EGLN1: variants seen among roughly 807,000 people sequenced by gnomAD.
EGLN1 encodes egl-9 family hypoxia inducible factor 1, also known as egl nine homolog 1.
In EGLN1, 17 loss-of-function variants were observed where a neutral mutation model predicts 38.3. That is an observed-to-expected ratio of 0.44 (90% CI 0.30 to 0.67). EGLN1 has a LOEUF of 0.67. Among genes scored for constraint, EGLN1 ranks in the 30% least tolerant of loss-of-function variants. The probability of loss-of-function intolerance (pLI) is 0.08; values close to 1 mark genes in which losing one functional copy is unlikely to be tolerated. For synonymous variants in EGLN1, 283 were observed against 257.5 expected, an observed-to-expected ratio of 1.10 and a Z score of -0.95; for missense variants, 477 against 603.3, an observed-to-expected ratio of 0.79 and a Z score of 2.19.
chr1:231,379,421 T>C (rs540391020), intron 1 of EGLN1, among the ~76,000 whole-genome samples: 2 of 152,302 alleles, frequency 1.3e-5, no homozygotes, highest in African/African-American at 4.8e-5. Flanking sequence ...TTGCCAAACT[T>C]CTAAATAAAG....
intron 1 of EGLN1, among the ~76,000 whole-genome samples, chr1:231,397,381 G>A (rs1261627555): frequency 6.6e-6 from 1 of 152,228 alleles, no homozygotes; most frequent in Non-Finnish European, 1.5e-5. Context: ...AAGACACACT[G>A]GTTACCTGTG....
intron 1 of EGLN1, among the ~76,000 whole-genome samples, chr1:231,384,778 A>G (rs991761202): frequency 6.6e-6 from 1 of 152,234 alleles, no homozygotes; most frequent in Non-Finnish European, 1.5e-5. Context: ...GCCTGTTTTT[A>G]TAAGTAAAGC....
chr1:231,407,472 T>G (rs901157046), intron 1 of EGLN1, among the ~76,000 whole-genome samples: 3 of 152,212 alleles, frequency 2.0e-5, no homozygotes, highest in African/African-American at 7.2e-5. Flanking sequence ...AATTTTACTC[T>G]GCACATCAAC....
At chr1:231,408,128 G>A (rs1688841728) in intron 1 of EGLN1, among the ~76,000 whole-genome samples, 2 of 152,100 alleles carry the variant, frequency 1.3e-5, no homozygotes, top group African/African-American at 2.4e-5. Context: ...AGATAATTTG[G>A]GAATAAAAGG....
chr1:231,417,070 T>G lies in EGLN1; in HGVS notation c.891+3928A>C, dbSNP rs564467407. 3.3e-5 allele frequency among the ~76,000 whole-genome samples: 5 copies of G among 152,330 alleles called. No individual in the cohort carries two copies. The East Asian group carries it at 9.6e-4, about 29-fold the overall frequency. The stretch of plus-strand genomic sequence containing the variant: ...AAAGTCTGAGATCAGGATGCCAGCA[T>G]GGTCTGGTACTGATGAGGGCTCTCT... On this transcript the variant is annotated intron_variant, in intron 1 of 4. Coordinates refer to ENST00000366641, the MANE Select transcript of EGLN1 (RefSeq NM_022051.3).
rs977788797 is a variant in EGLN1, at chr1:231,366,077, T to C, written c.*334A>G. 3 of 298,488 alleles carry C rather than the reference T, an allele frequency of 1.0e-5. 1 individual carries two copies. The South Asian group carries it at 1.8e-4, about 18-fold the overall frequency. 18.5% of individuals were successfully genotyped at this position (298,488 alleles called of 1,614,324 possible). A position where few individuals can be genotyped will look rare whatever the true frequency, so the allele number is the denominator to read the frequency against. On this transcript the variant is annotated 3_prime_UTR_variant, in exon 5 of 5. Transcript: ENST00000366641. ...AAACTTGATATAAAAAAGGGAGAGA[T>C]GAAATGAACTCAGCTAGATAACAGA...
intron 1 of EGLN1, among the ~76,000 whole-genome samples, chr1:231,397,794 C>G (rs73119697): frequency 0.015 from 2,255 of 152,272 alleles, 70 homozygotes; most frequent in African/African-American, 0.051. Flanking sequence ...AAAGCTGATA[C>G]AGAATGCACC....
Position 231,421,666 on chromosome 1 carries a change from A to T in EGLN1, c.223T>A (p.Ser75Thr). 6.8e-7 allele frequency: 1 copy of T among 1,467,566 alleles called. No individual in the cohort carries two copies. Among genetic ancestry groups the T allele is most frequent in the Non-Finnish European group, 9.0e-7 (1 of 1,114,136 alleles). The allele number at this position is 1,467,566 out of a possible 1,614,324, so 90.9% of individuals were successfully genotyped here. Residue 75 changes from serine (S) to threonine (T), a missense_variant, in exon 1 of 5, where the codon TCC (serine) becomes ACC (threonine). This residue lies in a region of EGLN1 where 298 missense variants were observed against 288.9 expected (regional missense o/e 1.03). Coordinates refer to ENST00000366641, the MANE Select transcript of EGLN1 (RefSeq NM_022051.3). The surrounding 1 kb of genome is among the most constrained non-coding windows in gnomAD (Gnocchi z 5.5). ...LGHGVGPHQH[S>T]GPAPPAAVPP... ...ACTGCAGCCGGCGGCGCGGGGCCGG[A>T]ATGCTGGTGTGGGCCCACTCCGTGG...
chr1:231,369,561 T>TA lies in EGLN1; in HGVS notation c.1148+1000dup, dbSNP rs549268519. 3.9e-5 allele frequency: 38 copies of TA among 985,386 alleles called. No individual in the cohort carries two copies. The South Asian group carries it at 1.6e-3, about 43-fold the overall frequency. The allele number at this position is 985,386 out of a possible 1,614,324, so 61.0% of individuals were successfully genotyped here. On this transcript the variant is annotated intron_variant, in intron 3 of 4. Transcript: ENST00000366641. ...TCTTTGGTTTCCATTCAGGATTTCT[T>TA]ACAATCTCCAGCTACAACCTGCTTA...
At chr1:231,366,566 G>T in intron 4 of EGLN1, 91 bp from the exon 5 acceptor site, 1 of 1,248,628 alleles carries the variant, frequency 8.0e-7, no homozygotes, top group Non-Finnish European at 1.2e-6. Context: ...TAAGAGTATG[G>T]ACAATATTTC....
intron 1 of EGLN1, among the ~76,000 whole-genome samples, chr1:231,384,577 A>G (rs1688150007): frequency 1.3e-5 from 2 of 152,166 alleles, no homozygotes; most frequent in South Asian, 4.1e-4. Context: ...ATATCTGAGG[A>G]AAAAGAGGGT....
At chr1:231,391,133 T>TGTGTGTGTGTGTGTGTGA (rs1255328703) in intron 1 of EGLN1, among the ~76,000 whole-genome samples, 2 of 56,838 alleles carry the variant, frequency 3.5e-5, no homozygotes, top group African/African-American at 8.5e-5. Context: ...TGTGTGTGTG[T>TGTGTGTGTGTGTGTGTGA]GAGACAGGGA....
At chr1:231,367,670 C>A (rs1310480338) in intron 3 of EGLN1, 34 bp from the exon 4 acceptor site, 2 of 1,591,514 alleles carry the variant, frequency 1.3e-6, no homozygotes, top group South Asian at 2.2e-5. Flanking sequence ...TAAGAATGAT[C>A]ACACTGCGGG....
intron 1 of EGLN1, among the ~76,000 whole-genome samples, chr1:231,384,538 G>A (rs1688149325): frequency 6.6e-6 from 1 of 152,154 alleles, no homozygotes; most frequent in Admixed American, 6.5e-5. Context: ...AATAAATGGT[G>A]CAAAGAATCA....
chr1:231,404,383 C>T (rs989055068), intron 1 of EGLN1, among the ~76,000 whole-genome samples: 1 of 152,070 alleles, frequency 6.6e-6, no homozygotes, highest in African/African-American at 2.4e-5. Context: ...TTTGTTTTTA[C>T]TGCTACCTAT....
Position 231,417,712 on chromosome 1 carries a change from A to G in EGLN1, c.891+3286T>C, listed in dbSNP as rs185986362. Among the ~76,000 whole-genome samples the G allele has an allele frequency of 2.7e-3, 418 of 152,334 alleles. 3 individuals carry two copies. The highest frequency in any genetic ancestry group is 9.5e-3 in the African/African-American group (393 of 41,566). On this transcript the variant is annotated intron_variant, in intron 1 of 4. Transcript: ENST00000366641. ...AATTACATTTCTGTTTTTCTCCTGT[A>G]TGACTTCATTTTTCCCTTATGGTTC...
At chr1:231,383,330 C>T (rs1214355342) in intron 1 of EGLN1, among the ~76,000 whole-genome samples, 1 of 152,084 alleles carries the variant, frequency 6.6e-6, no homozygotes, top group African/African-American at 2.4e-5. Context: ...TACCCGTAAA[C>T]AACTACTGGC....
Position 231,366,317 on chromosome 1 carries a change from G to T in EGLN1, c.*94C>A. ...TTCCTTATTAAAATGCGAACTGGTT[G>T]TCTATTTTTCTTTATCCCATTTATT... On this transcript the variant is annotated 3_prime_UTR_variant, in exon 5 of 5. Transcript: ENST00000366641. 1 of 1,380,386 alleles carries T rather than the reference G, an allele frequency of 7.2e-7. No individual in the cohort carries two copies. Among genetic ancestry groups the T allele is most frequent in the East Asian group, 2.3e-5 (1 of 43,806 alleles). 85.5% of individuals were successfully genotyped at this position (1,380,386 alleles called of 1,614,324 possible).
rs962570593 is a variant in EGLN1 at position 231,369,807 on chromosome 1, G to T, written c.1148+755C>A. The stretch of plus-strand genomic sequence containing the variant: ...GAAGCTCACTATCAGAATGTTCCAA[G>T]ACCTTTCCATAATAAAAAATAAGTA... On this transcript the variant is annotated intron_variant, in intron 3 of 4. Coordinates refer to ENST00000366641, the MANE Select transcript of EGLN1 (RefSeq NM_022051.3). Among the ~76,000 whole-genome samples, 4 of 152,098 alleles carry T rather than the reference G, an allele frequency of 2.6e-5. 1 individual carries two copies. Among genetic ancestry groups the T allele is most frequent in the African/African-American group, 9.7e-5 (4 of 41,422 alleles).
Sources: allele counts gnomAD v4.1 joint callset (sites outside exome capture counted in the v4.1 genomes callset), GRCh38; gene constraint gnomAD v4.1.1; regional missense constraint gnomAD v4.1.1; non-coding constraint Gnocchi (gnomAD v3.1); transcripts MANE v1.5; gene names NCBI Gene and HGNC (gene_info 2026-07-23, HGNC 2026-07-21).